DDR2: variants seen among roughly 807,000 people sequenced by gnomAD.
DDR2 encodes the protein discoidin domain-containing receptor 2.
Under a neutral mutation model 94.9 loss-of-function variants are expected in DDR2, and 27 were observed. That is an observed-to-expected ratio of 0.28 (90% confidence interval 0.21 to 0.39). The LOEUF (loss-of-function observed/expected upper bound fraction) is 0.39, where lower values mean the gene tolerates loss of function less well. Ranked by LOEUF, DDR2 falls within the 10% of genes least tolerant of loss-of-function variation. The probability of loss-of-function intolerance (pLI) is 1.00; values close to 1 mark genes in which losing one functional copy is unlikely to be tolerated. For synonymous variants in DDR2, 382 were observed against 377.2 expected (o/e 1.01, Z -0.15); for missense variants, 783 against 1,076.0 (o/e 0.73, Z 3.81).
intron 2 of DDR2, among the ~76,000 whole-genome samples, chr1:162,697,974 C>G (rs533750111): frequency 3.3e-5 from 5 of 152,276 alleles, no homozygotes; most frequent in Middle Eastern, 3.4e-3. Context: ...TTTTTCATTT[C>G]TAACCCTAAA....
chr1:162,731,931 A>G (rs557635459), intron 3 of DDR2, among the ~76,000 whole-genome samples: 1 of 152,294 alleles, frequency 6.6e-6, no homozygotes, highest in Admixed American at 6.5e-5. Flanking sequence ...CCTGATCTGC[A>G]TAGCTACCCA....
intron 2 of DDR2, among the ~76,000 whole-genome samples, chr1:162,685,830 T>C (rs1479698923): frequency 1.3e-5 from 2 of 152,040 alleles, no homozygotes; most frequent in Non-Finnish European, 2.9e-5. Flanking sequence ...ATTTTACAGA[T>C]AAGGAAACTG....
intron 3 of DDR2, among the ~76,000 whole-genome samples, chr1:162,752,177 T>C (rs1186118972): frequency 6.6e-6 from 1 of 151,834 alleles, no homozygotes; most frequent in African/African-American, 2.4e-5. Context: ...AAAAAACTTT[T>C]GTTGCTTATC....
At chr1:162,671,285 C>T (rs181603545) in intron 2 of DDR2, among the ~76,000 whole-genome samples, 10 of 152,286 alleles carry the variant, frequency 6.6e-5, no homozygotes, top group African/African-American at 2.2e-4. Context: ...CTTACTCCTT[C>T]GTTGCCCAGG....
chr1:162,673,972 C>G (rs1659009583), intron 2 of DDR2, among the ~76,000 whole-genome samples: 1 of 152,046 alleles, frequency 6.6e-6, no homozygotes, highest in Non-Finnish European at 1.5e-5. Context: ...CTATTCTCGT[C>G]CTTAAAGGCC....
chr1:162,766,846 A>G (rs1396798683), intron 10 of DDR2, among the ~76,000 whole-genome samples: 5 of 152,210 alleles, frequency 3.3e-5, no homozygotes, highest in Middle Eastern at 3.4e-3. Context: ...AGACTGGCCA[A>G]CATGGAGAAA....
At chr1:162,719,555 C>T (rs1661324403) in intron 3 of DDR2, among the ~76,000 whole-genome samples, 1 of 152,114 alleles carries the variant, frequency 6.6e-6, no homozygotes, top group East Asian at 1.9e-4. Flanking sequence ...TCCTGTTATG[C>T]TTTTGGGATC....
intron 2 of DDR2, among the ~76,000 whole-genome samples, chr1:162,657,612 C>G (rs1467293900): frequency 6.6e-6 from 1 of 152,148 alleles, no homozygotes; most frequent in Non-Finnish European, 1.5e-5. Context: ...GTTCAGTTGT[C>G]TGGGGCTAGG....
Position 162,778,657 on chromosome 1 carries a change from G to A in DDR2, c.2361G>A (p.Gln787=), listed in dbSNP as rs2102206615. 1 of 1,614,008 alleles carries A rather than the reference G, an allele frequency of 6.2e-7. No homozygotes were observed. Among genetic ancestry groups the A allele is most frequent in the Non-Finnish European group, 8.5e-7 (1 of 1,179,916 alleles). Residue 787 remains glutamine (Q), a synonymous_variant, in exon 17 of 18, where the codon CAG becomes CAA. Transcript: ENST00000367921. ...LWETFTFCQE[Q]PYSQLSDEQV... Reference sequence around the variant, plus strand: ...AGACTTTCACCTTTTGTCAAGAACAGCCCTATTCCCAGCTGTCAGATGAAC... The same window carrying A: ...AGACTTTCACCTTTTGTCAAGAACAACCCTATTCCCAGCTGTCAGATGAAC...
At chr1:162,695,295 G>T (rs1042959105) in intron 2 of DDR2, among the ~76,000 whole-genome samples, 8 of 152,136 alleles carry the variant, frequency 5.3e-5, no homozygotes, top group African/African-American at 1.9e-4. Flanking sequence ...GCAGTGGTGC[G>T]ATCTTGGCTC....
intron 2 of DDR2, among the ~76,000 whole-genome samples, chr1:162,705,704 G>C (rs1006129052): frequency 3.3e-5 from 5 of 152,186 alleles, no homozygotes; most frequent in African/African-American, 1.2e-4. Flanking sequence ...GATTGCTTAG[G>C]CCCTGGGGTG....
At chr1:162,678,018 G>A (rs1005226630) in intron 2 of DDR2, among the ~76,000 whole-genome samples, 33 of 152,140 alleles carry the variant, frequency 2.2e-4, no homozygotes, top group Non-Finnish European at 3.7e-4. Context: ...GTAGGGAAGA[G>A]GGAGAGTGAA....
Position 162,781,834 on chromosome 1 carries a change from A to C in DDR2, c.*1588A>C. On this transcript the variant is annotated 3_prime_UTR_variant, in exon 18 of 18. Transcript: ENST00000367921. ...TCCAATTGAGGAGAAACAAGAAAAC[A>C]TTACAAATCAGTTTCCCAAGCTGAG... The C allele has an allele frequency of 1.3e-5, 2 of 152,304 alleles. 1 individual carries two copies. Among genetic ancestry groups the C allele is most frequent in the Non-Finnish European group, 2.9e-5 (2 of 68,032 alleles). 9.4% of individuals were successfully genotyped at this position (152,304 alleles called of 1,614,324 possible). A position where few individuals can be genotyped will look rare whatever the true frequency, so the allele number is the denominator to read the frequency against.
At position 162,766,037 on chromosome 1, in the gene DDR2, C is replaced by G; in HGVS notation, c.1136C>G (p.Thr379Ser). The G allele has an allele frequency of 6.2e-7, 1 of 1,613,880 alleles. No homozygotes were observed. The highest frequency in any genetic ancestry group is 8.5e-7 in the Non-Finnish European group (1 of 1,179,994). The change falls in exon 10 of 18, where the codon ACC becomes AGC. Residue 379 changes from threonine to serine, a missense_variant. By Grantham distance (58) the Thr-to-Ser change is moderately conservative (BLOSUM62 1). Coordinates refer to ENST00000367921, the MANE Select transcript of DDR2 (RefSeq NM_006182.4). ...AMYNNSEALPTSPMAPTTYDP... is the reference protein window; with the variant it reads ...AMYNNSEALPSSPMAPTTYDP... ...TACAACAACTCTGAAGCCCTGCCCA[C>G]CTCTCCTATGGCACCCACAACCTAT... is the stretch of plus-strand genomic sequence containing the variant.
intron 2 of DDR2, among the ~76,000 whole-genome samples, chr1:162,662,914 C>T (rs1328543076): frequency 4.6e-5 from 7 of 152,070 alleles, no homozygotes; most frequent in Non-Finnish European, 7.3e-5. Flanking sequence ...ACTTCAGCTT[C>T]TGAGGCACAG....
chr1:162,652,438 C>T (rs1368794090), intron 1 of DDR2, among the ~76,000 whole-genome samples: 1 of 152,112 alleles, frequency 6.6e-6, no homozygotes, highest in East Asian at 1.9e-4. Flanking sequence ...GACAGACACT[C>T]CAGGAAATTC....
intron 9 of DDR2, among the ~76,000 whole-genome samples, chr1:162,763,125 C>T (rs1264944574): frequency 6.6e-6 from 1 of 151,722 alleles, no homozygotes; most frequent in African/African-American, 2.4e-5. Flanking sequence ...GCATGAGCCA[C>T]CGTGTCTGGC....
At chr1:162,773,423 T>A (rs1647341869) in intron 13 of DDR2, 46 bp from the exon 14 acceptor site, 3 of 1,610,146 alleles carry the variant, frequency 1.9e-6, no homozygotes, top group African/African-American at 1.3e-5. Flanking sequence ...TACTGAGACA[T>A]CTTCAGGAGA....
chr1:162,720,067 C>T (rs997486298), intron 3 of DDR2, among the ~76,000 whole-genome samples: 2 of 152,034 alleles, frequency 1.3e-5, no homozygotes, highest in African/African-American at 4.8e-5. Flanking sequence ...ATTCATGTGG[C>T]CAAGCCCAGA....
Sources: allele counts gnomAD v4.1 joint callset (sites outside exome capture counted in the v4.1 genomes callset), GRCh38; gene constraint gnomAD v4.1.1; transcripts MANE v1.5; gene names NCBI Gene and HGNC (gene_info 2026-07-23, HGNC 2026-07-21).